The following RPF1 variants were observed in gnomAD, a reference collection of about 807,000 sequenced individuals.
RPF1 encodes ribosome production factor 1.
Under a neutral mutation model 41.9 loss-of-function variants are expected in RPF1, and 34 were observed. That is an observed-to-expected ratio of 0.81 (90% CI 0.62 to 1.08). The LOEUF (loss-of-function observed/expected upper bound fraction) is 1.08, where lower values mean the gene tolerates loss of function less well. RPF1 is among the 50% of genes least tolerant of loss of function. The pLI is 0.00. For missense variants in RPF1, 425 were observed against 435.2 expected, an observed-to-expected ratio of 0.98 and a Z score of 0.21; for synonymous variants, 140 against 148.9, an observed-to-expected ratio of 0.94 and a Z score of 0.43.
intron 3 of RPF1, among the ~76,000 whole-genome samples, chr1:84,486,223 C>G (rs1681733662): frequency 6.6e-6 from 1 of 152,072 alleles, no homozygotes; most frequent in East Asian, 1.9e-4. Flanking sequence ...AGATCAGTGA[C>G]TTTGTTGGCC....
At position 84,479,504 on chromosome 1, in the gene RPF1, C is replaced by T. The variant is rs1439767094; in HGVS notation, c.223C>T (p.Arg75Trp). The T allele has an allele frequency of 6.2e-7, 1 of 1,613,678 alleles. No homozygotes were observed. The change falls in exon 1 of 9, where the codon CGG (arginine) becomes TGG (tryptophan). Residue 75 changes from arginine (R) to tryptophan (W), a missense_variant. Arg to Trp is a moderately radical substitution (Grantham distance 101). Coordinates refer to ENST00000370654, the MANE Select transcript of RPF1 (RefSeq NM_025065.7). ...GTTCACGCGGTGGAAACAGCAGCAG[C>T]GGAAGGTACGCGAGAGGCGGGGGCT... ...LMFTRWKQQQ[R>W]KEKLAAKKKL...
intron 3 of RPF1, among the ~76,000 whole-genome samples, chr1:84,483,664 C>T (rs183239439): frequency 2.1e-4 from 32 of 152,224 alleles, no homozygotes; most frequent in African/African-American, 7.2e-4. Flanking sequence ...TTTTTGTATT[C>T]TCATAAATCT....
In RPF1 at chr1:84,495,372, G is replaced by A. The variant is rs1288845944; in HGVS notation, c.617-1G>A. 2 of 1,379,698 alleles carry A rather than the reference G, an allele frequency of 1.4e-6. No individual in the cohort carries two copies. Among genetic ancestry groups the A allele is most frequent in the Non-Finnish European group, 2.0e-6 (2 of 980,990 alleles). The allele number at this position is 1,379,698 out of a possible 1,614,324, so 85.5% of individuals were successfully genotyped here. A position where few individuals can be genotyped will look rare whatever the true frequency, so the allele number is the denominator to read the frequency against. ...GTGTTTTTCTTAACTTTTATGAACA[G>A]ATGGACTTATTTTGAGTCACTTGCC... is the stretch of plus-strand genomic sequence containing the variant. On this transcript the variant is annotated splice_acceptor_variant, in intron 5 of 8. Transcript: ENST00000370654. LOFTEE classifies it high-confidence loss of function.
intron 6 of RPF1, 107 bp from the exon 7 acceptor site, chr1:84,495,775 T>A (rs1314906613): frequency 1.4e-6 from 1 of 697,518 alleles, no homozygotes; most frequent in Non-Finnish European, 2.4e-6. Flanking sequence ...CACTAAAAAA[T>A]ACATTTTGCA....
At chr1:84,494,187 A>G (rs981594850) in intron 5 of RPF1, among the ~76,000 whole-genome samples, 13 of 152,216 alleles carry the variant, frequency 8.5e-5, no homozygotes, top group African/African-American at 3.1e-4. Flanking sequence ...CAACCACAAT[A>G]CTACCTTAAT....
rs1911158 is a variant in RPF1 at position 84,482,666 on chromosome 1, C to G, written c.286-249C>G. 0.013 allele frequency among the ~76,000 whole-genome samples: 1,932 copies of G among 149,682 alleles called. 38 individuals carry two copies. Among genetic ancestry groups the G allele is most frequent in the African/African-American group, 0.044 (1,774 of 40,504 alleles). ...ATTTCTTCTCCTTGTTACTTCTGCACAGTTTTAAGCCTTTTCATTCAGTGT... is the reference window on the plus strand; with the variant it reads ...ATTTCTTCTCCTTGTTACTTCTGCAGAGTTTTAAGCCTTTTCATTCAGTGT... On this transcript the variant is annotated intron_variant, in intron 2 of 8. Transcript: ENST00000370654.
At chr1:84,491,076 G>T (rs1570350789) in intron 5 of RPF1, among the ~76,000 whole-genome samples, 1 of 152,168 alleles carries the variant, frequency 6.6e-6, no homozygotes. Context: ...AGAGACTTGG[G>T]CCCATGTTAT....
Position 84,483,049 on chromosome 1 carries a change from A to G in RPF1, c.366+54A>G, listed in dbSNP as rs1389945193. The G allele has an allele frequency of 3.4e-6, 4 of 1,176,678 alleles. No homozygotes were observed. The African/African-American group carries it at 4.6e-5, about 13-fold the overall frequency. 72.9% of individuals were successfully genotyped at this position (1,176,678 alleles called of 1,614,324 possible). A position where few individuals can be genotyped will look rare whatever the true frequency, so the allele number is the denominator to read the frequency against. ...AATGATCACATATAATTGATAAATTATATGTTTTTTTGTTGATATTTAAAG... is the reference window on the plus strand; with the variant it reads ...AATGATCACATATAATTGATAAATTGTATGTTTTTTTGTTGATATTTAAAG... On this transcript the variant is annotated intron_variant, in intron 3 of 8. Coordinates refer to ENST00000370654, the MANE Select transcript of RPF1 (RefSeq NM_025065.7).
rs770628211 is a variant in RPF1, at chr1:84,489,731, A to G, written c.462+3A>G. 3.4e-6 allele frequency: 5 copies of G among 1,475,026 alleles called. No individual in the cohort carries two copies. The Admixed American group carries it at 8.4e-5, about 25-fold the overall frequency. 91.4% of individuals were successfully genotyped at this position (1,475,026 alleles called of 1,614,324 possible). On this transcript the variant is annotated splice_donor_region_variant and intron_variant, in intron 4 of 8. Coordinates refer to ENST00000370654, the MANE Select transcript of RPF1 (RefSeq NM_025065.7). ...CAACATCAGATAGACCTCATGGGGT[A>G]AACACATTGATTAATTTAGTTCTTG... is the stretch of plus-strand genomic sequence containing the variant.
intron 8 of RPF1, 86 bp from the exon 9 acceptor site, chr1:84,497,343 G>A (rs1057210729): frequency 4.6e-6 from 5 of 1,086,406 alleles, no homozygotes; most frequent in Non-Finnish European, 6.9e-6. Context: ...AAGATCTAGG[G>A]ACGTTAACTT....
At chr1:84,491,798 C>G (rs1558544229) in intron 5 of RPF1, among the ~76,000 whole-genome samples, 1 of 152,136 alleles carries the variant, frequency 6.6e-6, no homozygotes, top group African/African-American at 2.4e-5. Flanking sequence ...ATGTTCTATC[C>G]CTGTTTTATC....
intron 3 of RPF1, 144 bp downstream of exon 3, chr1:84,483,139 T>C (rs1399326935): frequency 5.8e-6 from 3 of 519,884 alleles, no homozygotes; most frequent in East Asian, 5.9e-5. Context: ...ATCTTATTAT[T>C]TGGTGAAGAC....
intron 3 of RPF1, among the ~76,000 whole-genome samples, chr1:84,486,445 A>G (rs1457723026): frequency 2.6e-5 from 4 of 152,014 alleles, no homozygotes; most frequent in East Asian, 1.9e-4. Flanking sequence ...AAAATTAGCC[A>G]GGTGTGGTGG....
intron 3 of RPF1, among the ~76,000 whole-genome samples, chr1:84,488,928 TC>T (rs915477578): frequency 3.9e-5 from 6 of 152,256 alleles, no homozygotes; most frequent in Admixed American, 2.6e-4. Context: ...CACTTTTCGT[TC>T]CTAATATTAT....
intron 6 of RPF1, 146 bp from the exon 7 acceptor site, chr1:84,495,736 G>C: frequency 5.2e-6 from 3 of 577,258 alleles, no homozygotes; most frequent in Middle Eastern, 3.8e-4. Context: ...TTATTTCATG[G>C]GTTTGATAAG....
intron 4 of RPF1, among the ~76,000 whole-genome samples, chr1:84,490,083 C>T (rs1681805219): frequency 6.6e-6 from 1 of 152,160 alleles, no homozygotes; most frequent in Admixed American, 6.5e-5. Flanking sequence ...AAAATGTCTC[C>T]AGACATTGCC....
At chr1:84,479,708 G>T (rs1681606607) in intron 1 of RPF1, among the ~76,000 whole-genome samples, 199 bp downstream of exon 1, 1 of 152,212 alleles carries the variant, frequency 6.6e-6, no homozygotes, top group Admixed American at 6.5e-5. Context: ...TTGCCTGAGC[G>T]TCAAGGTGGA....
intron 5 of RPF1, among the ~76,000 whole-genome samples, chr1:84,491,368 C>T (rs1681832661): frequency 6.6e-6 from 1 of 152,012 alleles, no homozygotes; most frequent in African/African-American, 2.4e-5. Context: ...TCTGTGCTGC[C>T]AGAATAACAT....
intron 8 of RPF1, among the ~76,000 whole-genome samples, chr1:84,497,188 C>G (rs1681955940): frequency 6.6e-6 from 1 of 150,478 alleles, no homozygotes; most frequent in African/African-American, 2.4e-5. Flanking sequence ...CCTTTTCTAT[C>G]TAGTATAAGC....
Sources: allele counts gnomAD v4.1 joint callset (sites outside exome capture counted in the v4.1 genomes callset), GRCh38; gene constraint gnomAD v4.1.1; transcripts MANE v1.5; gene names NCBI Gene and HGNC (gene_info 2026-07-23, HGNC 2026-07-21).